Variants in EYS observed in about 807,000 individuals in gnomAD.
EYS encodes EGF-like photoreceptor maintenance factor, also known as protein eyes shut homolog.
In EYS, 250 loss-of-function variants were observed where a neutral mutation model predicts 282.1. The observed-to-expected ratio is 0.89, with a 90% CI of 0.80 to 0.98. EYS has a LOEUF of 0.98. Among genes scored for constraint, EYS ranks in the 50% least tolerant of loss-of-function variants. EYS has a pLI of 0.00. For synonymous variants in EYS, 1,355 were observed against 1,282.9 expected (o/e 1.06, Z -1.20); for missense variants, 4,016 against 3,709.0 (o/e 1.08, Z -2.15).
intron 22 of EYS, among the ~76,000 whole-genome samples, chr6:64,629,163 G>C (rs1418318160): frequency 2.0e-5 from 3 of 152,000 alleles, no homozygotes; most frequent in Non-Finnish European, 1.5e-5. Context: ...AAGGGCATTG[G>C]TCAAGTATTT....
At chr6:65,175,361 ATAGT>A (rs1488581941) in intron 12 of EYS, among the ~76,000 whole-genome samples, 2 of 151,432 alleles carry the variant, frequency 1.3e-5, no homozygotes, top group Non-Finnish European at 3.0e-5. Context: ...TATACCAGTC[ATAGT>A]TAAAGTTACA....
In EYS at chr6:64,759,613, T is replaced by G. The variant is rs901170827; in HGVS notation, c.3443+53765A>C. Among the ~76,000 whole-genome samples, 110 of 152,210 alleles carry G rather than the reference T, an allele frequency of 7.2e-4. 1 individual carries two copies. Among genetic ancestry groups the G allele is most frequent in the African/African-American group, 2.6e-3 (106 of 41,560 alleles). On this transcript the variant is annotated intron_variant, in intron 22 of 42. Coordinates refer to ENST00000503581, the MANE Select transcript of EYS (RefSeq NM_001142800.2). The stretch of plus-strand genomic sequence containing the variant: ...TTAACACTGAGAGGTTAAAAATAAC[T>G]AGAAGTTCTACATATATTTCATAGA...
At chr6:64,417,742 C>G (rs989101218) in intron 28 of EYS, among the ~76,000 whole-genome samples, 6 of 140,922 alleles carry the variant, frequency 4.3e-5, no homozygotes, top group Non-Finnish European at 9.0e-5. Context: ...ACAATCTTGG[C>G]TCACTGCAAC....
chr6:64,463,086 A>G (rs958374232), intron 26 of EYS, among the ~76,000 whole-genome samples: 5 of 151,666 alleles, frequency 3.3e-5, no homozygotes, highest in African/African-American at 1.2e-4. Flanking sequence ...AGCTGGGACT[A>G]CAGGTGCCCG....
At chr6:65,435,514 T>G (rs2150387729) in intron 5 of EYS, among the ~76,000 whole-genome samples, 1 of 152,256 alleles carries the variant, frequency 6.6e-6, no homozygotes, top group African/African-American at 2.4e-5. Flanking sequence ...ATGGAATTAC[T>G]AAGTAAAAAG....
At chr6:64,547,255 C>A (rs1764904664) in intron 26 of EYS, among the ~76,000 whole-genome samples, 1 of 152,108 alleles carries the variant, frequency 6.6e-6, no homozygotes, top group Non-Finnish European at 1.5e-5. Flanking sequence ...CTGGCTCTGG[C>A]AGACTGCTTT....
chr6:64,502,386 T>A (rs1433819701), intron 26 of EYS, among the ~76,000 whole-genome samples: 2 of 152,008 alleles, frequency 1.3e-5, no homozygotes, highest in Non-Finnish European at 2.9e-5. Flanking sequence ...GACTCCCGGC[T>A]AATTTTTTGT....
intron 29 of EYS, among the ~76,000 whole-genome samples, chr6:64,365,805 ATC>A (rs912266635): frequency 6.6e-6 from 1 of 151,982 alleles, no homozygotes; most frequent in Non-Finnish European, 1.5e-5. Context: ...CATGAATGTC[ATC>A]TCTCTCTCTT....
At chr6:65,144,980 A>G (rs998381143) in intron 12 of EYS, among the ~76,000 whole-genome samples, 38 of 152,066 alleles carry the variant, frequency 2.5e-4, no homozygotes, top group African/African-American at 9.2e-4. Context: ...CATGTTGGCC[A>G]GGCTAGTCTC....
At chr6:64,767,298 C>T (rs1308949567) in intron 22 of EYS, among the ~76,000 whole-genome samples, 32 of 152,020 alleles carry the variant, frequency 2.1e-4, no homozygotes, top group Admixed American at 2.1e-3. Flanking sequence ...CCTCCTCTAG[C>T]TAGTTGAAAG....
chr6:65,646,671 T>C (rs1767461844), intron 1 of EYS, among the ~76,000 whole-genome samples: 1 of 152,110 alleles, frequency 6.6e-6, no homozygotes, highest in Non-Finnish European at 1.5e-5. Context: ...AAGTTCTAGC[T>C]AGAGCAATCA....
At chr6:64,442,339 T>C (rs1024420353) in intron 26 of EYS, among the ~76,000 whole-genome samples, 2 of 152,128 alleles carry the variant, frequency 1.3e-5, no homozygotes, top group African/African-American at 4.8e-5. Context: ...TTGGGTGCTG[T>C]TAAAGGCATT....
At chr6:64,417,964 G>T (rs541969757) in intron 28 of EYS, among the ~76,000 whole-genome samples, 1 of 152,258 alleles carries the variant, frequency 6.6e-6, no homozygotes, top group African/African-American at 2.4e-5. Context: ...GAGCCACTGC[G>T]CCTGGCCTAC....
chr6:63,856,437 A>G (rs1161556968), intron 36 of EYS, among the ~76,000 whole-genome samples: 2 of 152,238 alleles, frequency 1.3e-5, no homozygotes, highest in African/African-American at 4.8e-5. Flanking sequence ...AACAGAAAGG[A>G]GAACATTTGG....
intron 35 of EYS, among the ~76,000 whole-genome samples, chr6:63,966,956 GTA>G (rs1455064393): frequency 1.3e-5 from 2 of 152,162 alleles, no homozygotes; most frequent in African/African-American, 4.8e-5. Context: ...TTTTATATAT[GTA>G]TATATATTTT....
chr6:64,106,490 A>T (rs1436953639), intron 31 of EYS, among the ~76,000 whole-genome samples: 2 of 151,942 alleles, frequency 1.3e-5, no homozygotes, highest in Admixed American at 1.3e-4. Context: ...TTTTGTTTGC[A>T]TGGTATCTGA....
intron 26 of EYS, among the ~76,000 whole-genome samples, chr6:64,446,545 TG>T (rs1386916837): frequency 7.2e-6 from 1 of 138,532 alleles, no homozygotes; most frequent in Non-Finnish European, 1.5e-5. Context: ...AATCTTAGCT[TG>T]GGGCATTTTT....
chr6:63,954,705 C>T (rs1765740270), intron 35 of EYS, among the ~76,000 whole-genome samples: 1 of 152,094 alleles, frequency 6.6e-6, no homozygotes, highest in Admixed American at 6.5e-5. Flanking sequence ...ATCAGTCACT[C>T]CTGCCTACTC....
intron 1 of EYS, among the ~76,000 whole-genome samples, chr6:65,678,941 A>G (rs1338048936): frequency 6.6e-6 from 1 of 151,826 alleles, no homozygotes; most frequent in Admixed American, 6.6e-5. Context: ...GATGGCCGAC[A>G]TCAAAACAAA....
Sources: allele counts gnomAD v4.1 joint callset (sites outside exome capture counted in the v4.1 genomes callset), GRCh38; gene constraint gnomAD v4.1.1; transcripts MANE v1.5; gene names NCBI Gene and HGNC (gene_info 2026-07-23, HGNC 2026-07-21).